The following ZACN variants were observed in gnomAD, a reference collection of about 807,000 sequenced individuals.
ZACN encodes the protein zinc activated ion channel, also known as ligand-gated cation channel ZACN.
ZACN carries 52 observed loss-of-function variants against 38.9 expected under a neutral mutation model. The ratio of observed to expected loss-of-function variants is 1.34; its 90% CI spans 1.07 to 1.68. ZACN has a LOEUF of 1.68. Among genes scored for constraint, ZACN ranks in the 40% most tolerant of loss-of-function variants. ZACN has a pLI of 0.00. For synonymous variants in ZACN, 235 were observed against 227.4 expected (o/e 1.03, Z -0.30); for missense variants, 559 against 525.6 (o/e 1.06, Z -0.62).
intron 8 of ZACN, 87 bp from the exon 9 acceptor site, chr17:76,082,376 C>A: frequency 7.4e-7 from 1 of 1,351,864 alleles, no homozygotes; most frequent in Non-Finnish European, 1.0e-6. Flanking sequence ...GGAAGCGATA[C>A]AGGCTGATGA....
chr17:76,081,491 C>T (rs910457903), intron 6 of ZACN, 54 bp from the exon 7 acceptor site: 15 of 1,609,882 alleles, frequency 9.3e-6, no homozygotes, highest in Admixed American at 1.7e-5. Flanking sequence ...CCCATGCCCC[C>T]GATGCCCACC....
rs761090443 is a variant in ZACN, at chr17:76,081,880, A to C, written c.881-2A>C. On this transcript the variant is annotated splice_acceptor_variant, in intron 7 of 8. Transcript: ENST00000334586. LOFTEE classifies it high-confidence loss of function. The stretch of plus-strand genomic sequence containing the variant: ...CATCTCCCTGTGCCCTGCCTCCCCC[A>C]GTTTACTACTTCACCATCCTGCTGC... The C allele has an allele frequency of 7.8e-5, 125 of 1,608,010 alleles. No individual in the cohort carries two copies. Among genetic ancestry groups the C allele is most frequent in the Non-Finnish European group, 1.0e-4 (120 of 1,176,168 alleles).
intron 6 of ZACN, 45 bp from the exon 7 acceptor site, chr17:76,081,500 C>A (rs771757847): frequency 1.9e-6 from 3 of 1,610,488 alleles, no homozygotes; most frequent in South Asian, 2.2e-5. Flanking sequence ...CCGATGCCCA[C>A]CTCCTTCCCC....
At chr17:76,080,470 G>T in intron 5 of ZACN, 46 bp downstream of exon 5, 7 of 1,605,908 alleles carry the variant, frequency 4.4e-6, no homozygotes, top group South Asian at 1.1e-5. Context: ...GGAGGAGGAA[G>T]GTGGGGGAGG....
intron 5 of ZACN, chr17:76,080,788 A>G: frequency 2.1e-6 from 1 of 485,718 alleles, no homozygotes; most frequent in Non-Finnish European, 4.1e-6. Flanking sequence ...TGGCGACTGC[A>G]GTGGCTCGGC....
rs369660078 is a variant in ZACN at position 76,080,139 on chromosome 17, C to T, written c.375-116C>T. On this transcript the variant is annotated intron_variant, in intron 4 of 8. Coordinates refer to ENST00000334586, the MANE Select transcript of ZACN (RefSeq NM_180990.4). ...AGTGCACCTTCACTGCCTCGAATTCCCCTCCCACTGCCAGAACTCTGAAAG... is the reference window on the plus strand; with the variant it reads ...AGTGCACCTTCACTGCCTCGAATTCTCCTCCCACTGCCAGAACTCTGAAAG... 1.3e-4 allele frequency: 195 copies of T among 1,470,698 alleles called. No homozygotes were observed. The African/African-American group carries it at 2.2e-3, about 17-fold the overall frequency. The allele number at this position is 1,470,698 out of a possible 1,614,324, so 91.1% of individuals were successfully genotyped here.
At chr17:76,080,621 C>T (rs554235617) in intron 5 of ZACN, 197 bp downstream of exon 5, 4 of 778,886 alleles carry the variant, frequency 5.1e-6, no homozygotes, top group Non-Finnish European at 8.7e-6. Flanking sequence ...TCCCACTGCG[C>T]CCCCCACTCG....
rs1373641117 is a variant in ZACN, at chr17:76,082,502, C to G, written c.1088C>G (p.Pro363Arg). Residue 363 changes from proline to arginine, a missense_variant, in exon 9 of 9, where the codon CCT becomes CGT. By Grantham distance (103) the Pro-to-Arg change is moderately radical. Transcript: ENST00000334586. Reference protein sequence around the residue: ...RGVKGSQRSWPETADRIFFLV... With the variant: ...RGVKGSQRSWRETADRIFFLV... Reference sequence around the variant, plus strand: ...GTAAAGGGGTCACAGAGAAGCTGGCCTGAGACTGCTGACCGCATCTTCTTC... The same window carrying G: ...GTAAAGGGGTCACAGAGAAGCTGGCGTGAGACTGCTGACCGCATCTTCTTC... The G allele has an allele frequency of 2.5e-6, 4 of 1,613,546 alleles. No homozygotes were observed. The highest frequency in any genetic ancestry group is 3.4e-6 in the Non-Finnish European group (4 of 1,179,856).
Position 76,081,511 on chromosome 17 carries a change from C to T in ZACN, c.670-34C>T, listed in dbSNP as rs771704797. The stretch of plus-strand genomic sequence containing the variant: ...GCCCCCGATGCCCACCTCCTTCCCC[C>T]CCGCCGGGAAGGCCCTGACTTTTCC... On this transcript the variant is annotated intron_variant, in intron 6 of 8. Transcript: ENST00000334586. 3.0e-5 allele frequency: 49 copies of T among 1,610,936 alleles called. No individual in the cohort carries two copies. In the African/African-American group the frequency reaches 4.7e-4, roughly 15 times the overall value.
chr17:76,080,707 A>C (rs2066939718), intron 5 of ZACN: 1 of 573,228 alleles, frequency 1.7e-6, no homozygotes, highest in African/African-American at 1.8e-5. Context: ...CATTCGCAGC[A>C]GCTCTGCAAT....
At position 76,079,433 on chromosome 17, in the gene ZACN, T is replaced by C. The variant is rs2066916689; in HGVS notation, c.98-6T>C. ...CACCTGAGTGACCTTGACTTTTCTCTCTCAGTCTGGCCATCCCTCTTCAAC... is the reference window on the plus strand; with the variant it reads ...CACCTGAGTGACCTTGACTTTTCTCCCTCAGTCTGGCCATCCCTCTTCAAC... On this transcript the variant is annotated splice_region_variant and splice_polypyrimidine_tract_variant and intron_variant, in intron 1 of 8. Coordinates refer to ENST00000334586, the MANE Select transcript of ZACN (RefSeq NM_180990.4). The C allele has an allele frequency of 6.2e-7, 1 of 1,614,038 alleles. No individual in the cohort carries two copies. The highest frequency in any genetic ancestry group is 1.3e-5 in the African/African-American group (1 of 74,914).
intron 4 of ZACN, 50 bp downstream of exon 4, chr17:76,080,044 T>C: frequency 6.7e-7 from 1 of 1,501,966 alleles, no homozygotes; most frequent in Non-Finnish European, 9.0e-7. Flanking sequence ...TAGCCCTCCT[T>C]TTCCCCCATC....
Position 76,081,999 on chromosome 17 carries a change from C to T in ZACN, c.998C>T (p.Pro333Leu), listed in dbSNP as rs749838124. 1.5e-5 allele frequency: 24 copies of T among 1,611,728 alleles called. No individual in the cohort carries two copies. Among genetic ancestry groups the T allele is most frequent in the African/African-American group, 8.0e-5 (6 of 74,862 alleles). Residue 333 changes from proline to leucine, a missense_variant, in exon 8 of 9, where the codon CCG becomes CTG. Physicochemically the swap from Pro to Leu is moderately conservative, Grantham distance 98. Transcript: ENST00000334586. ...LGAKSGPSPA[P>L]RGEQREHGNP... ...GCCAAGAGCGGCCCCAGCCCAGCCCCGAGAGGGGAACAGCGAGAGCACGGC... is the reference window on the plus strand; with the variant it reads ...GCCAAGAGCGGCCCCAGCCCAGCCCTGAGAGGGGAACAGCGAGAGCACGGC...
intron 2 of ZACN, 64 bp from the exon 3 acceptor site, chr17:76,079,638 G>A: frequency 2.5e-6 from 4 of 1,611,722 alleles, no homozygotes; most frequent in East Asian, 2.2e-5. Flanking sequence ...ATAGTGCTGG[G>A]GTCTCCTGCT....
In ZACN at chr17:76,082,622, C is replaced by T. The variant is rs2067032210; in HGVS notation, c.1208C>T (p.Ala403Val). 3.1e-6 allele frequency: 5 copies of T among 1,612,842 alleles called. No homozygotes were observed. The Admixed American group carries it at 6.7e-5, about 22-fold the overall frequency. Residue 403 changes from alanine (A) to valine (V), a missense_variant, in exon 9 of 9, where the codon GCT becomes GTT. Coordinates refer to ENST00000334586, the MANE Select transcript of ZACN (RefSeq NM_180990.4). ...ACKSDAAPGE[A>V]APHGRRPRL Reference sequence around the variant, plus strand: ...AAGTCTGACGCAGCCCCTGGAGAGGCTGCACCCCATGGCAGGCGGCCTAGA... The same window carrying T: ...AAGTCTGACGCAGCCCCTGGAGAGGTTGCACCCCATGGCAGGCGGCCTAGA...
intron 5 of ZACN, chr17:76,080,697 C>A: frequency 1.7e-6 from 1 of 592,820 alleles, no homozygotes; most frequent in Non-Finnish European, 3.2e-6. Context: ...CAGACTCAAA[C>A]ATTCGCAGCA....
At chr17:76,080,024 C>T (rs2066924709) in intron 4 of ZACN, 30 bp downstream of exon 4, 1 of 1,541,856 alleles carries the variant, frequency 6.5e-7, no homozygotes, top group African/African-American at 1.4e-5. Context: ...CCCCAGGAAT[C>T]TGCCATGCAT....
Position 76,079,193 on chromosome 17 carries a change from T to G in ZACN, c.-72T>G. 1 of 1,441,258 alleles carries G rather than the reference T, an allele frequency of 6.9e-7. No individual in the cohort carries two copies. Among genetic ancestry groups the G allele is most frequent in the Non-Finnish European group, 9.3e-7 (1 of 1,070,038 alleles). 89.3% of individuals were successfully genotyped at this position (1,441,258 alleles called of 1,614,324 possible). ...AGCTGCCTCTGGCTAATTGCTCAGC[T>G]GCCAGAGAAGTGACTGGAATAGAGG... On this transcript the variant is annotated 5_prime_UTR_variant, in exon 1 of 9. Coordinates refer to ENST00000334586, the MANE Select transcript of ZACN (RefSeq NM_180990.4).
At chr17:76,080,748 C>T (rs777189890) in intron 5 of ZACN, 4 of 507,598 alleles carry the variant, frequency 7.9e-6, no homozygotes, top group Non-Finnish European at 1.5e-5. Context: ...AGTCTTCTGT[C>T]CTCCCCAGAG....
Sources: allele counts gnomAD v4.1 joint callset, GRCh38; gene constraint gnomAD v4.1.1; transcripts MANE v1.5; gene names NCBI Gene and HGNC (gene_info 2026-07-23, HGNC 2026-07-21).